The following MAPKAP1 variants were observed in gnomAD, a reference collection of about 807,000 sequenced individuals.
MAPKAP1 encodes target of rapamycin complex 2 subunit MAPKAP1.
A neutral mutation model predicts 65.7 loss-of-function variants in MAPKAP1; 20 were observed. The observed-to-expected ratio is 0.30, with a 90% CI of 0.21 to 0.44. MAPKAP1 has a LOEUF of 0.44. MAPKAP1 is among the 20% of genes least tolerant of loss of function. The pLI is 1.00. For synonymous variants in MAPKAP1, 222 were observed against 244.3 expected (o/e 0.91, Z 0.85); for missense variants, 423 against 648.0 (o/e 0.65, Z 3.77).
chr9:125,477,557 G>GGTGCTCTGCATATAAGAGGT (rs1381165970), intron 9 of MAPKAP1, among the ~76,000 whole-genome samples: 1 of 152,218 alleles, frequency 6.6e-6, no homozygotes, highest in African/African-American at 2.4e-5. Context: ...ACTGCCCCGA[G>GGTGCTCTGCATATAAGAGGT]GTGCTCTGCA....
intron 4 of MAPKAP1, among the ~76,000 whole-genome samples, chr9:125,648,139 T>G (rs1237065319): frequency 6.6e-6 from 1 of 152,094 alleles, no homozygotes; most frequent in African/African-American, 2.4e-5. Context: ...TGCAAGAGTC[T>G]AGGAAAAAGA....
chr9:125,513,194 C>A (rs1829359229), intron 7 of MAPKAP1: 1 of 152,232 alleles, frequency 6.6e-6, no homozygotes, highest in South Asian at 2.1e-4. Flanking sequence ...CAGGTACACA[C>A]CACTGCACTC....
intron 1 of MAPKAP1, among the ~76,000 whole-genome samples, chr9:125,679,033 G>C (rs542494089): frequency 1.3e-5 from 2 of 149,414 alleles, no homozygotes; most frequent in East Asian, 3.9e-4. Flanking sequence ...ATGGAGTCTC[G>C]CACTGTCGTC....
chr9:125,448,421 GGAA>G (rs1263481326), intron 10 of MAPKAP1, among the ~76,000 whole-genome samples: 2 of 152,238 alleles, frequency 1.3e-5, no homozygotes, highest in South Asian at 2.1e-4. Context: ...TAGGTGTCTG[GGAA>G]GAAGGAACTG....
chr9:125,578,355 T>C (rs913356348), intron 5 of MAPKAP1, among the ~76,000 whole-genome samples: 26 of 152,104 alleles, frequency 1.7e-4, no homozygotes, highest in Admixed American at 5.2e-4. Context: ...GTTTATCTGC[T>C]GACCTTCCCT....
chr9:125,604,654 G>A (rs1832393268), intron 4 of MAPKAP1, among the ~76,000 whole-genome samples: 1 of 152,184 alleles, frequency 6.6e-6, no homozygotes, highest in South Asian at 2.1e-4. Context: ...TCAATAATAT[G>A]TTGTTAATAA....
At chr9:125,616,747 G>GT (rs1283231429) in intron 4 of MAPKAP1, among the ~76,000 whole-genome samples, 3 of 152,180 alleles carry the variant, frequency 2.0e-5, no homozygotes, top group Non-Finnish European at 4.4e-5. Flanking sequence ...TAACCACTTT[G>GT]TAAGACAGTT....
intron 1 of MAPKAP1, among the ~76,000 whole-genome samples, chr9:125,682,883 G>A (rs1834863523): frequency 1.3e-5 from 2 of 151,968 alleles, no homozygotes; most frequent in Admixed American, 6.6e-5. Flanking sequence ...ATACACTGCT[G>A]AGCAAAAATA....
chr9:125,669,770 A>G, intron 3 of MAPKAP1, 48 bp downstream of exon 3: 1 of 986,234 alleles, frequency 1.0e-6, no homozygotes, highest in South Asian at 1.6e-5. Flanking sequence ...TATATAATAA[A>G]CTAAATATAT....
At position 125,560,468 on chromosome 9, in the gene MAPKAP1, CAG is replaced by C. The variant is rs1287153682; in HGVS notation, c.672-661_672-660del. Among the ~76,000 whole-genome samples, 753 of 152,216 alleles carry C rather than the reference CAG, an allele frequency of 4.9e-3. 5 individuals are homozygous for C. The highest frequency in any genetic ancestry group is 0.017 in the African/African-American group (711 of 41,530). ...ACATGGTGGTATGCGCCTGTAGTTC[CAG>C]CTACTCAGGAGGCTGAGGTGAGAGG... On this transcript the variant is annotated intron_variant, in intron 5 of 11. Coordinates refer to ENST00000265960, the MANE Select transcript of MAPKAP1 (RefSeq NM_001006617.3).
intron 5 of MAPKAP1, among the ~76,000 whole-genome samples, chr9:125,562,169 T>C (rs1045818214): frequency 5.3e-5 from 8 of 152,342 alleles, no homozygotes; most frequent in Middle Eastern, 6.8e-3. Context: ...CCAACAATGA[T>C]ATCAGAAGAA....
intron 1 of MAPKAP1, among the ~76,000 whole-genome samples, chr9:125,673,675 T>G (rs1004225274): frequency 2.6e-5 from 4 of 152,128 alleles, no homozygotes; most frequent in African/African-American, 9.7e-5. Flanking sequence ...CTCTCAACCC[T>G]TTGGGGGGCC....
At chr9:125,528,432 A>G (rs1045250573) in intron 7 of MAPKAP1, among the ~76,000 whole-genome samples, 130 of 152,228 alleles carry the variant, frequency 8.5e-4, no homozygotes, top group Non-Finnish European at 1.4e-3. Flanking sequence ...TGGTAGCCCA[A>G]TTAGGAGATG....
intron 4 of MAPKAP1, among the ~76,000 whole-genome samples, chr9:125,624,552 G>A (rs1833032645): frequency 1.4e-5 from 1 of 70,022 alleles, no homozygotes; most frequent in Non-Finnish European, 3.3e-5. Flanking sequence ...GCCCTGTCCG[G>A]GAGGGAGGTG....
intron 4 of MAPKAP1, among the ~76,000 whole-genome samples, chr9:125,647,284 G>A (rs1451338255): frequency 6.6e-6 from 1 of 152,150 alleles, no homozygotes; most frequent in Non-Finnish European, 1.5e-5. Flanking sequence ...CAGCTCTTAT[G>A]ATACTGCCAT....
In MAPKAP1 at chr9:125,438,161, AC is replaced by A; in HGVS notation, c.*725del. Reference sequence around the variant, plus strand: ...ACCAGCCACCGCCCCTCCTCCTGGCACCCCACACTGTCCACGCAGCTCCTGG... The same window carrying A: ...ACCAGCCACCGCCCCTCCTCCTGGCACCCACACTGTCCACGCAGCTCCTGG... On this transcript the variant is annotated 3_prime_UTR_variant, in exon 12 of 12. Coordinates refer to ENST00000265960, the MANE Select transcript of MAPKAP1 (RefSeq NM_001006617.3). 2.6e-6 allele frequency: 1 copy of A among 391,852 alleles called. No homozygotes were observed. The highest frequency in any genetic ancestry group is 3.6e-5 in the East Asian group (1 of 27,662). The allele number at this position is 391,852 out of a possible 1,614,324, so 24.3% of individuals were successfully genotyped here.
At chr9:125,471,863 C>T (rs1004868836) in intron 9 of MAPKAP1, 6 of 152,282 alleles carry the variant, frequency 3.9e-5, no homozygotes, top group South Asian at 2.1e-4. Context: ...ACAGGCATGA[C>T]GCCAGTTATA....
At chr9:125,560,720 A>C (rs1303998326) in intron 5 of MAPKAP1, among the ~76,000 whole-genome samples, 1 of 152,262 alleles carries the variant, frequency 6.6e-6, no homozygotes, top group Non-Finnish European at 1.5e-5. Flanking sequence ...ATCTGACTTC[A>C]AACACCATGG....
chr9:125,692,390 A>G (rs1835195867), intron 1 of MAPKAP1, among the ~76,000 whole-genome samples: 1 of 152,226 alleles, frequency 6.6e-6, no homozygotes, highest in African/African-American at 2.4e-5. Flanking sequence ...AAATTATTAC[A>G]TTATATCAAA....
Sources: allele counts gnomAD v4.1 joint callset (sites outside exome capture counted in the v4.1 genomes callset), GRCh38; gene constraint gnomAD v4.1.1; transcripts MANE v1.5; gene names NCBI Gene and HGNC (gene_info 2026-07-23, HGNC 2026-07-21).